The following PSMD14 variants were observed in gnomAD, a reference collection of about 807,000 sequenced individuals.
PSMD14 encodes the protein ubiquitin C-terminal hydrolase PSMD14.
PSMD14 carries 7 observed loss-of-function variants against 41.2 expected under a neutral mutation model. The ratio of observed to expected loss-of-function variants is 0.17; its 90% CI spans 0.10 to 0.32. The LOEUF (loss-of-function observed/expected upper bound fraction) is 0.32, where lower values mean the gene tolerates loss of function less well. Ranked by LOEUF, PSMD14 falls within the 10% of genes least tolerant of loss-of-function variation. The pLI is 1.00. For missense variants in PSMD14, 139 were observed against 375.6 expected (o/e 0.37, Z 5.21); for synonymous variants, 114 against 122.3 (o/e 0.93, Z 0.45).
chr2:161,360,053 C>T (rs1683267996), intron 3 of PSMD14, among the ~76,000 whole-genome samples: 1 of 151,946 alleles, frequency 6.6e-6, no homozygotes, highest in South Asian at 2.1e-4. Flanking sequence ...AAACAAAAAA[C>T]AAAGATGTGT....
At chr2:161,376,259 C>T (rs2105260236) in intron 7 of PSMD14, among the ~76,000 whole-genome samples, 1 of 151,656 alleles carries the variant, frequency 6.6e-6, no homozygotes, top group Admixed American at 6.6e-5. Flanking sequence ...TCTTGAGCTT[C>T]AGATTTTTCA....
At chr2:161,388,578 C>A (rs951864973) in intron 8 of PSMD14, among the ~76,000 whole-genome samples, 6 of 152,060 alleles carry the variant, frequency 3.9e-5, no homozygotes, top group Non-Finnish European at 7.4e-5. Context: ...TAGAGGGAAC[C>A]ACAAAACACA....
intron 3 of PSMD14, among the ~76,000 whole-genome samples, chr2:161,352,239 T>C (rs1232468127): frequency 1.3e-5 from 2 of 152,074 alleles, no homozygotes. Flanking sequence ...CTTGGGGAGC[T>C]AAATAAAAAA....
chr2:161,324,347 G>A (rs370880385), intron 3 of PSMD14, among the ~76,000 whole-genome samples: 11 of 152,136 alleles, frequency 7.2e-5, no homozygotes, highest in African/African-American at 2.7e-4. Flanking sequence ...TGTAAATAAC[G>A]TGATTTGTAA....
chr2:161,309,133 T>C (rs1022181028), intron 1 of PSMD14, among the ~76,000 whole-genome samples: 8 of 152,264 alleles, frequency 5.3e-5, no homozygotes, highest in Admixed American at 2.6e-4. Context: ...AAACAAAGTG[T>C]GCTACTATGG....
At chr2:161,344,864 G>A (rs953787437) in intron 3 of PSMD14, among the ~76,000 whole-genome samples, 8 of 152,248 alleles carry the variant, frequency 5.3e-5, no homozygotes, top group African/African-American at 1.9e-4. Flanking sequence ...TCTTGAGGGC[G>A]ACCTTTGAAA....
intron 7 of PSMD14, chr2:161,381,331 A>G (rs1683567986): frequency 6.6e-6 from 1 of 151,452 alleles, no homozygotes; most frequent in Non-Finnish European, 1.5e-5. Flanking sequence ...TAAGCTCAAG[A>G]AAATGAATGC....
At chr2:161,367,948 T>G (rs1403659315) in intron 5 of PSMD14, 45 bp downstream of exon 5, 1 of 1,569,280 alleles carries the variant, frequency 6.4e-7, no homozygotes, top group South Asian at 1.2e-5. Context: ...TGTGTTTCTT[T>G]TCATTTTTCT....
chr2:161,361,962 A>AT (rs935020893), intron 3 of PSMD14, among the ~76,000 whole-genome samples: 1 of 151,834 alleles, frequency 6.6e-6, no homozygotes. Flanking sequence ...GTTGCTTGGT[A>AT]TTTTTTTCTT....
intron 7 of PSMD14, among the ~76,000 whole-genome samples, chr2:161,380,296 GA>G (rs1683556284): frequency 6.6e-6 from 1 of 151,900 alleles, no homozygotes; most frequent in Non-Finnish European, 1.5e-5. Context: ...TGCATATGTT[GA>G]AAAGTTTTCT....
intron 10 of PSMD14, among the ~76,000 whole-genome samples, chr2:161,401,575 C>G (rs1006707201): frequency 1.3e-5 from 2 of 152,182 alleles, no homozygotes; most frequent in African/African-American, 4.8e-5. Context: ...CTGTCGGATT[C>G]TGCCATAGAA....
Position 161,322,754 on chromosome 2 carries a change from A to G in PSMD14, c.48+3881A>G, listed in dbSNP as rs374029231. Among the ~76,000 whole-genome samples, 67 of 152,192 alleles carry G rather than the reference A, an allele frequency of 4.4e-4. 3 individuals carry two copies. The South Asian group carries it at 5.8e-3, about 13-fold the overall frequency. ...ATAGGAATATCAGTATTATAATCAC[A>G]GTTGATACTGATATTTCATTGTTTT... On this transcript the variant is annotated intron_variant, in intron 3 of 11. Coordinates refer to ENST00000409682, the MANE Select transcript of PSMD14 (RefSeq NM_005805.6).
intron 3 of PSMD14, among the ~76,000 whole-genome samples, chr2:161,358,585 C>T (rs917454158): frequency 1.3e-5 from 2 of 152,190 alleles, no homozygotes; most frequent in African/African-American, 2.4e-5. Context: ...TCTGACCACT[C>T]CTACTCTACA....
intron 10 of PSMD14, among the ~76,000 whole-genome samples, chr2:161,401,877 T>C (rs1169615406): frequency 6.6e-6 from 1 of 152,172 alleles, no homozygotes; most frequent in Non-Finnish European, 1.5e-5. Context: ...CATAGGACTG[T>C]GTTTAAGCCC....
At chr2:161,319,576 G>A in intron 3 of PSMD14, among the ~76,000 whole-genome samples, 1 of 152,108 alleles carries the variant, frequency 6.6e-6, no homozygotes, top group East Asian at 1.9e-4. Context: ...ATTAACAAAA[G>A]AAATGACTAT....
chr2:161,388,427 T>A (rs60180746), intron 8 of PSMD14, among the ~76,000 whole-genome samples: 5,112 of 152,136 alleles, frequency 0.034, 280 homozygotes, highest in African/African-American at 0.11. Context: ...ACTGCTTCAT[T>A]CTTTTATATT....
chr2:161,369,343 G>T (rs921577665), intron 5 of PSMD14, among the ~76,000 whole-genome samples: 1 of 151,848 alleles, frequency 6.6e-6, no homozygotes, highest in Admixed American at 6.6e-5. Context: ...TGTCTCTGTT[G>T]CATATTCTTC....
chr2:161,328,841 TA>T (rs1682742391), intron 3 of PSMD14, among the ~76,000 whole-genome samples: 1 of 152,146 alleles, frequency 6.6e-6, no homozygotes, highest in Non-Finnish European at 1.5e-5. Context: ...GTTCTCTCTT[TA>T]GTACACAAAC....
intron 3 of PSMD14, among the ~76,000 whole-genome samples, chr2:161,357,959 G>C (rs1329120456): frequency 6.7e-6 from 1 of 150,292 alleles, no homozygotes; most frequent in Non-Finnish European, 1.5e-5. Flanking sequence ...AAGTTAACTT[G>C]AATAGTTCAC....
Sources: allele counts gnomAD v4.1 joint callset (sites outside exome capture counted in the v4.1 genomes callset), GRCh38; gene constraint gnomAD v4.1.1; transcripts MANE v1.5; gene names NCBI Gene and HGNC (gene_info 2026-07-23, HGNC 2026-07-21).